Variants in CEP85L observed in about 807,000 individuals in gnomAD.
CEP85L encodes the protein centrosomal protein of 85 kDa-like.
CEP85L carries 60 observed loss-of-function variants against 100.3 expected under a neutral mutation model. The observed-to-expected ratio is 0.60, with a 90% confidence interval of 0.49 to 0.74. The LOEUF is 0.74. Among genes scored for constraint, CEP85L ranks in the 30% least tolerant of loss-of-function variants. The pLI, the probability that CEP85L is intolerant of heterozygous loss-of-function variation, is 0.00. For synonymous variants in CEP85L, 319 were observed against 322.7 expected (o/e 0.99, Z 0.12); for missense variants, 973 against 936.2 (o/e 1.04, Z -0.51).
At chr6:118,575,145 G>C (rs951001092) in intron 2 of CEP85L, among the ~76,000 whole-genome samples, 7 of 152,092 alleles carry the variant, frequency 4.6e-5, no homozygotes, top group African/African-American at 1.7e-4. Flanking sequence ...AACTCAGGAA[G>C]CACCTAAAAC....
In CEP85L at chr6:118,461,788, T is replaced by G; in HGVS notation, c.*3617A>C. On this transcript the variant is annotated 3_prime_UTR_variant, in exon 13 of 13. Coordinates refer to ENST00000368491, the MANE Select transcript of CEP85L (RefSeq NM_001042475.3). ...ATTGTCAAAAATGGAAACATGGCAGTTTCAAATGATATAGTCTGAGTGAGC... is the reference window on the plus strand; with the variant it reads ...ATTGTCAAAAATGGAAACATGGCAGGTTCAAATGATATAGTCTGAGTGAGC... 6.6e-6 allele frequency: 1 copy of G among 152,036 alleles called. No individual in the cohort carries two copies. The allele number at this position is 152,036 out of a possible 1,614,324, so 9.4% of individuals were successfully genotyped here.
chr6:118,637,303 G>C (rs1432831122), intron 1 of CEP85L, among the ~76,000 whole-genome samples: 1 of 152,114 alleles, frequency 6.6e-6, no homozygotes, highest in African/African-American at 2.4e-5. Flanking sequence ...TCAGGGAAAT[G>C]ATCTTCCTAA....
intron 2 of CEP85L, among the ~76,000 whole-genome samples, chr6:118,573,598 T>C (rs1780038994): frequency 1.3e-5 from 2 of 152,180 alleles, no homozygotes; most frequent in African/African-American, 4.8e-5. Flanking sequence ...CCATGACATA[T>C]AACTCACAAC....
chr6:118,542,689 C>T (rs1201558850), intron 3 of CEP85L, among the ~76,000 whole-genome samples: 1 of 151,934 alleles, frequency 6.6e-6, no homozygotes, highest in Non-Finnish European at 1.5e-5. Context: ...GACCAACCTT[C>T]AACCACTCCA....
chr6:118,694,183 T>C (rs997035654), intron 1 of CEP85L, among the ~76,000 whole-genome samples: 1 of 152,144 alleles, frequency 6.6e-6, no homozygotes, highest in Non-Finnish European at 1.5e-5. Context: ...CACATTCAAC[T>C]CCTCTCCCAA....
At position 118,483,743 on chromosome 6, in the gene CEP85L, A is replaced by G; in HGVS notation, c.1553T>C (p.Leu518Pro). ...IETLEKYLADLPTLDDVQSQS... is the reference protein window; with the variant it reads ...IETLEKYLADPPTLDDVQSQS... The stretch of plus-strand genomic sequence containing the variant: ...ACTCTGTACATCATCTAGAGTTGGA[A>G]GATCAGCCAGATACTTTTCCAAGGT... The change falls in exon 7 of 13, where the codon CTT (leucine) becomes CCT (proline). Residue 518 changes from leucine (L) to proline (P), a missense_variant. Physicochemically the swap from Leu to Pro is moderately conservative, Grantham distance 98. This residue lies in a region of CEP85L where 890 missense variants were observed against 844.5 expected (regional missense o/e 1.05). Coordinates refer to ENST00000368491, the MANE Select transcript of CEP85L (RefSeq NM_001042475.3). 6.2e-7 allele frequency: 1 copy of G among 1,613,830 alleles called. No individual in the cohort carries two copies.
chr6:118,575,758 G>A (rs1445371334), intron 2 of CEP85L, among the ~76,000 whole-genome samples: 1 of 152,110 alleles, frequency 6.6e-6, no homozygotes, highest in Non-Finnish European at 1.5e-5. Context: ...TGGGTACATA[G>A]GAATACAAAC....
chr6:118,600,647 T>C (rs1033784286), intron 2 of CEP85L, among the ~76,000 whole-genome samples: 6 of 151,794 alleles, frequency 4.0e-5, no homozygotes, highest in African/African-American at 1.5e-4. Context: ...TGATATAAAT[T>C]ACCAGTCAAG....
chr6:118,696,760 A>G (rs986157838), intron 1 of CEP85L, among the ~76,000 whole-genome samples: 4 of 152,194 alleles, frequency 2.6e-5, no homozygotes, highest in African/African-American at 9.6e-5. Context: ...AGTTGATATA[A>G]ACCATTAAGA....
intron 5 of CEP85L, chr6:118,501,320 G>A: frequency 2.7e-6 from 1 of 365,032 alleles, no homozygotes; most frequent in Non-Finnish European, 5.3e-6. Context: ...GAGGACAGGA[G>A]CAGGGCCTAC....
chr6:118,651,180 G>A lies in CEP85L; in HGVS notation c.73+17C>T, dbSNP rs946034463. The A allele has an allele frequency of 1.7e-5, 25 of 1,492,902 alleles. No individual in the cohort carries two copies. The East Asian group carries it at 4.0e-4, about 24-fold the overall frequency. 92.5% of individuals were successfully genotyped at this position (1,492,902 alleles called of 1,614,324 possible). On this transcript the variant is annotated intron_variant, in intron 1 of 12. Transcript: ENST00000368491. Reference sequence around the variant, plus strand: ...CCGTGACCCCCACCCCAGCCGGGGCGCTGTCCCGTTCCTTACCGGCAGGGA... The same window carrying A: ...CCGTGACCCCCACCCCAGCCGGGGCACTGTCCCGTTCCTTACCGGCAGGGA...
intron 2 of CEP85L, 32 bp from the exon 3 acceptor site, chr6:118,566,348 C>T (rs1779506342): frequency 2.0e-6 from 3 of 1,537,426 alleles, no homozygotes; most frequent in Non-Finnish European, 2.7e-6. Flanking sequence ...AAATTAGTTA[C>T]AATTAACAGA....
In CEP85L at chr6:118,504,368, C is replaced by T. The variant is rs188755202; in HGVS notation, c.1257+6930G>A. On this transcript the variant is annotated intron_variant, in intron 5 of 12. Coordinates refer to ENST00000368491, the MANE Select transcript of CEP85L (RefSeq NM_001042475.3). Reference sequence around the variant, plus strand: ...CCAGCCTCGGCAACAGAGGGAGACTCTGTCTCAAAAAAAGAAAAAAAAAAA... The same window carrying T: ...CCAGCCTCGGCAACAGAGGGAGACTTTGTCTCAAAAAAAGAAAAAAAAAAA... Among the ~76,000 whole-genome samples the T allele has an allele frequency of 3.3e-5, 5 of 150,726 alleles. No individual in the cohort carries two copies. In the East Asian group the frequency reaches 7.8e-4, roughly 23 times the overall value.
At chr6:118,682,759 A>C (rs1225335370) in intron 1 of CEP85L, among the ~76,000 whole-genome samples, 1 of 116,580 alleles carries the variant, frequency 8.6e-6, no homozygotes, top group Non-Finnish European at 1.8e-5. Flanking sequence ...ATATGCATGC[A>C]TGCCTGAGCA....
intron 10 of CEP85L, among the ~76,000 whole-genome samples, chr6:118,479,014 AGT>A (rs1403698189): frequency 6.6e-6 from 1 of 152,192 alleles, no homozygotes; most frequent in Non-Finnish European, 1.5e-5. Context: ...AACGTGCCCA[AGT>A]GAAATGGAAA....
At chr6:118,619,817 T>G (rs1299573146) in intron 2 of CEP85L, among the ~76,000 whole-genome samples, 3 of 152,204 alleles carry the variant, frequency 2.0e-5, no homozygotes, top group Non-Finnish European at 4.4e-5. Flanking sequence ...GATCAGACCT[T>G]AAGTCCTACT....
At chr6:118,559,256 G>A in intron 3 of CEP85L, 1 of 650,046 alleles carries the variant, frequency 1.5e-6, no homozygotes, top group Non-Finnish European at 2.8e-6. Context: ...TCATCTGTTG[G>A]ATCTTGTAAA....
intron 3 of CEP85L, among the ~76,000 whole-genome samples, chr6:118,546,966 A>G (rs1473549841): frequency 6.6e-6 from 1 of 152,112 alleles, no homozygotes. Context: ...TTAAATATCA[A>G]ATGATTTGCT....
intron 2 of CEP85L, among the ~76,000 whole-genome samples, chr6:118,572,710 G>T (rs538681430): frequency 1.3e-5 from 2 of 152,292 alleles, no homozygotes; most frequent in South Asian, 4.1e-4. Context: ...TCCTAGGAAT[G>T]TATCATGTAC....
Sources: allele counts gnomAD v4.1 joint callset (sites outside exome capture counted in the v4.1 genomes callset), GRCh38; gene constraint gnomAD v4.1.1; regional missense constraint gnomAD v4.1.1; transcripts MANE v1.5; gene names NCBI Gene and HGNC (gene_info 2026-07-23, HGNC 2026-07-21).